Variants in NCKAP5 observed in about 807,000 individuals in gnomAD.
NCKAP5 encodes nck-associated protein 5.
Under a neutral mutation model 167.0 loss-of-function variants are expected in NCKAP5, and 92 were observed. The ratio of observed to expected loss-of-function variants is 0.55; its 90% CI spans 0.47 to 0.66. The LOEUF (loss-of-function observed/expected upper bound fraction) is 0.66, where lower values mean the gene tolerates loss of function less well. NCKAP5 is among the 30% of genes least tolerant of loss of function. The pLI is 0.00. For missense variants in NCKAP5, 2,378 were observed against 2,315.0 expected (o/e 1.03, Z -0.56); for synonymous variants, 891 against 877.4 (o/e 1.02, Z -0.27).
At chr2:133,199,257 T>C (rs191545843) in intron 5 of NCKAP5, among the ~76,000 whole-genome samples, 1 of 152,150 alleles carries the variant, frequency 6.6e-6, no homozygotes, top group African/African-American at 2.4e-5. Context: ...GTTTTAATAC[T>C]AGACTGCTTC....
intron 5 of NCKAP5, among the ~76,000 whole-genome samples, chr2:133,182,386 T>C (rs1056357553): frequency 6.6e-6 from 1 of 152,124 alleles, no homozygotes; most frequent in Non-Finnish European, 1.5e-5. Flanking sequence ...TCCTGAGCCA[T>C]AAAAAACTCA....
chr2:132,884,893 A>G (rs1298589591), intron 8 of NCKAP5, among the ~76,000 whole-genome samples: 1 of 152,244 alleles, frequency 6.6e-6, no homozygotes, highest in Non-Finnish European at 1.5e-5. Flanking sequence ...CGATCCATTC[A>G]GATAATTACC....
chr2:132,745,395 C>CA (rs71398574), intron 16 of NCKAP5, among the ~76,000 whole-genome samples: 355 of 144,714 alleles, frequency 2.5e-3, no homozygotes, highest in African/African-American at 3.1e-3. Flanking sequence ...TCATGACAGA[C>CA]AAAAAAAAAA....
rs774562472 is a variant in NCKAP5 at position 132,783,567 on chromosome 2, T to C, written c.3244A>G (p.Lys1082Glu). ...CCTTTTCTCCCTGGAGATACACTTT[T>C]GGAGGACGTCATTTCCAGTGGCTCA... is the stretch of plus-strand genomic sequence containing the variant. ...THEPLEMTSS[K>E]SVSPGRKGQL... Residue 1082 changes from lysine (K) to glutamate (E), a missense_variant, in exon 14 of 20, where the codon AAA becomes GAA. Lys to Glu is a moderately conservative substitution (Grantham distance 56). Coordinates refer to ENST00000409261, the MANE Select transcript of NCKAP5 (RefSeq NM_207363.3). 1 of 1,614,004 alleles carries C rather than the reference T, an allele frequency of 6.2e-7. No individual in the cohort carries two copies. The highest frequency in any genetic ancestry group is 1.1e-5 in the South Asian group (1 of 91,078).
intron 3 of NCKAP5, among the ~76,000 whole-genome samples, chr2:133,486,304 A>C (rs1345708151): frequency 6.6e-6 from 1 of 152,220 alleles, no homozygotes; most frequent in African/African-American, 2.4e-5. Context: ...TAAAGAAGAA[A>C]GGTCTTAGGT....
chr2:133,069,586 T>C (rs1312339550), intron 6 of NCKAP5, among the ~76,000 whole-genome samples: 2 of 152,220 alleles, frequency 1.3e-5, no homozygotes, highest in Non-Finnish European at 2.9e-5. Context: ...TGAAGTTTTA[T>C]TCCCCAGCCT....
chr2:133,404,536 T>G (rs1339239565), intron 3 of NCKAP5, among the ~76,000 whole-genome samples: 1 of 152,244 alleles, frequency 6.6e-6, no homozygotes, highest in Non-Finnish European at 1.5e-5. Flanking sequence ...TAATAAAAGT[T>G]ATATGAATGT....
At chr2:132,792,940 G>A (rs1670586233) in intron 12 of NCKAP5, among the ~76,000 whole-genome samples, 2 of 152,164 alleles carry the variant, frequency 1.3e-5, no homozygotes, top group African/African-American at 4.8e-5. Flanking sequence ...TCAGAAGATG[G>A]GCTGGAGTGA....
intron 7 of NCKAP5, among the ~76,000 whole-genome samples, chr2:132,964,610 A>C (rs942145237): frequency 6.6e-6 from 1 of 152,172 alleles, no homozygotes; most frequent in Non-Finnish European, 1.5e-5. Context: ...CCATATTAAA[A>C]AAAAAAGGAT....
At chr2:133,316,240 A>G (rs1681603032) in intron 3 of NCKAP5, among the ~76,000 whole-genome samples, 1 of 152,202 alleles carries the variant, frequency 6.6e-6, no homozygotes, top group Non-Finnish European at 1.5e-5. Context: ...AAACACCTCC[A>G]ATACCTATTC....
In NCKAP5 at chr2:133,166,033, G is replaced by A. The variant is rs80305149; in HGVS notation, c.208-35922C>T. ...TATGTGGTCTTTGTTTTCAGGGACCGCCAGAAAAACTAAAGAACATCCTCT... is the reference window on the plus strand; with the variant it reads ...TATGTGGTCTTTGTTTTCAGGGACCACCAGAAAAACTAAAGAACATCCTCT... On this transcript the variant is annotated intron_variant, in intron 5 of 19. Coordinates refer to ENST00000409261, the MANE Select transcript of NCKAP5 (RefSeq NM_207363.3). Among the ~76,000 whole-genome samples, 1,018 of 152,204 alleles carry A rather than the reference G, an allele frequency of 6.7e-3. 18 individuals carry two copies. Among genetic ancestry groups the A allele is most frequent in the African/African-American group, 0.023 (958 of 41,524 alleles).
intron 19 of NCKAP5, among the ~76,000 whole-genome samples, chr2:132,684,269 T>C (rs1356367274): frequency 6.6e-6 from 1 of 152,266 alleles, no homozygotes; most frequent in Non-Finnish European, 1.5e-5. Context: ...TAAATATGGA[T>C]CAGCAAAATC....
At chr2:133,070,272 C>G (rs956060544) in intron 6 of NCKAP5, among the ~76,000 whole-genome samples, 1 of 152,064 alleles carries the variant, frequency 6.6e-6, no homozygotes, top group Non-Finnish European at 1.5e-5. Flanking sequence ...TAACTGGAAA[C>G]TAAAGACAAA....
intron 8 of NCKAP5, among the ~76,000 whole-genome samples, chr2:132,919,851 A>G (rs1348233865): frequency 6.6e-6 from 1 of 152,168 alleles, no homozygotes; most frequent in Non-Finnish European, 1.5e-5. Context: ...GAAGATGCTG[A>G]GTCTATTTTT....
the NCKAP5 span, among the ~76,000 whole-genome samples, chr2:133,581,602 T>TC: frequency 6.6e-6 from 1 of 152,294 alleles, no homozygotes; most frequent in Admixed American, 6.5e-5. Context: ...TGGACCCATT[T>TC]CCCTGGAATG....
At chr2:133,672,025 G>T in the NCKAP5 span, among the ~76,000 whole-genome samples, 7,083 of 152,216 alleles carry the variant, frequency 0.047, 397 homozygotes, top group East Asian at 0.19. Context: ...AAATAAACAC[G>T]ATAGGTATTG....
chr2:132,919,669 G>C (rs1404643262), intron 8 of NCKAP5, among the ~76,000 whole-genome samples: 1 of 151,764 alleles, frequency 6.6e-6, no homozygotes, highest in Non-Finnish European at 1.5e-5. Flanking sequence ...GAGACAAAGG[G>C]CAGAAGAAAC....
intron 5 of NCKAP5, among the ~76,000 whole-genome samples, chr2:133,149,315 T>C (rs17793104): frequency 0.083 from 12,596 of 152,224 alleles, 698 homozygotes; most frequent in Non-Finnish European, 0.11. Flanking sequence ...AAAACTGGTA[T>C]ATCCAAAACC....
At chr2:132,747,809 G>T (rs954331103) in intron 16 of NCKAP5, among the ~76,000 whole-genome samples, 1 of 152,188 alleles carries the variant, frequency 6.6e-6, no homozygotes, top group Admixed American at 6.5e-5. Context: ...TTCCTATGAG[G>T]AAACTGAAGT....
Sources: gnomAD v4.1 joint callset for allele counts (sites outside exome capture counted in the v4.1 genomes callset) on GRCh38, gnomAD v4.1.1 for gene constraint, MANE v1.5 for transcripts, NCBI Gene and HGNC (gene_info 2026-07-23, HGNC 2026-07-21) for gene names.